Variants in INSYN2B observed in about 807,000 individuals in gnomAD.
INSYN2B encodes protein INSYN2B.
A neutral mutation model predicts 41.2 loss-of-function variants in INSYN2B; 16 were observed. The observed-to-expected ratio is 0.39, with a 90% CI of 0.26 to 0.59. The LOEUF is 0.59. INSYN2B is among the 20% of genes least tolerant of loss of function. The pLI is 0.57. For synonymous variants in INSYN2B, 245 were observed against 244.4 expected (o/e 1.00, Z -0.02); for missense variants, 608 against 646.4 (o/e 0.94, Z 0.64).
At position 169,940,279 on chromosome 5, in the gene INSYN2B, A is replaced by G. The variant is rs1172676729; in HGVS notation, c.-919+39998T>C. 2.6e-5 allele frequency among the ~76,000 whole-genome samples: 4 copies of G among 152,170 alleles called. No homozygotes were observed. The East Asian group carries it at 5.8e-4, about 22-fold the overall frequency. On this transcript the variant is annotated intron_variant, in intron 1 of 3. Coordinates refer to ENST00000377365, the MANE Select transcript of INSYN2B (RefSeq NM_001129891.3). Reference sequence around the variant, plus strand: ...TGCCAGACTCTGATCACTCTCAACCAGGGGCAATTTTGTCTCTCAGCAGAC... The same window carrying G: ...TGCCAGACTCTGATCACTCTCAACCGGGGGCAATTTTGTCTCTCAGCAGAC...
intron 3 of INSYN2B, among the ~76,000 whole-genome samples, chr5:169,881,048 A>G (rs1772612545): frequency 6.6e-6 from 1 of 152,136 alleles, no homozygotes; most frequent in Non-Finnish European, 1.5e-5. Context: ...TGCTCTAGGA[A>G]AATGCTCTGT....
chr5:169,934,898 A>G (rs1367358757), intron 1 of INSYN2B: 1 of 345,240 alleles, frequency 2.9e-6, no homozygotes, highest in Non-Finnish European at 5.8e-6. Context: ...CTTGATATTT[A>G]TTCTGATTAA....
rs201654163 is a variant in INSYN2B at position 169,864,309 on chromosome 5, G to T, written c.1572C>A (p.Thr524=). The change falls in exon 4 of 4, where the codon ACC becomes ACA. Residue 524 remains threonine, a synonymous_variant. Transcript: ENST00000377365. ...APEKQDLRRK[T]KKVKKKCFWW... ...AGAAGCATTTCTTTTTCACCTTCTT[G>T]GTTTTCCGCCTTAAGTCCTGCTTTT... The T allele has an allele frequency of 1.9e-6, 3 of 1,551,558 alleles. No individual in the cohort carries two copies. Among genetic ancestry groups the T allele is most frequent in the Non-Finnish European group, 2.6e-6 (3 of 1,146,956 alleles).
chr5:169,941,319 T>C (rs965623886), intron 1 of INSYN2B, among the ~76,000 whole-genome samples: 1 of 152,220 alleles, frequency 6.6e-6, no homozygotes, highest in Admixed American at 6.5e-5. Flanking sequence ...GCAATTCTCC[T>C]GTCTCAGCCG....
At chr5:169,971,871 C>A (rs1777519860) in intron 1 of INSYN2B, among the ~76,000 whole-genome samples, 1 of 152,190 alleles carries the variant, frequency 6.6e-6, no homozygotes, top group African/African-American at 2.4e-5. Flanking sequence ...TGTACCCAGG[C>A]ACTTTGTTCA....
intron 1 of INSYN2B, among the ~76,000 whole-genome samples, chr5:169,951,248 G>A (rs1190197286): frequency 6.6e-6 from 1 of 152,214 alleles, no homozygotes; most frequent in Non-Finnish European, 1.5e-5. Flanking sequence ...ACCTTCCCTA[G>A]TGTGGACAGT....
Position 169,883,882 on chromosome 5 carries a change from A to G in INSYN2B, c.17T>C (p.Met6Thr). 1 of 1,506,444 alleles carries G rather than the reference A, an allele frequency of 6.6e-7. No individual in the cohort carries two copies. Among genetic ancestry groups the G allele is most frequent in the Non-Finnish European group, 8.9e-7 (1 of 1,123,486 alleles). The allele number at this position is 1,506,444 out of a possible 1,614,324, so 93.3% of individuals were successfully genotyped here. A position where few individuals can be genotyped will look rare whatever the true frequency, so the allele number is the denominator to read the frequency against. ...CTTTAGAAGCACAGGTCTCACTTTC[A>G]TATTTTGCTGGGCCATTGAGCCTCA... The part of the protein sequence containing the change: MAQQN[M>T]KVRPVLLKRN... The change falls in exon 2 of 4, where the codon ATG (methionine) becomes ACG (threonine). Residue 6 changes from methionine (M) to threonine (T), a missense_variant. Transcript: ENST00000377365.
intron 1 of INSYN2B, among the ~76,000 whole-genome samples, chr5:169,925,892 G>A (rs960069718): frequency 6.6e-6 from 1 of 152,156 alleles, no homozygotes; most frequent in African/African-American, 2.4e-5. Flanking sequence ...TGGCAGCTGG[G>A]CCTGTTTTAG....
chr5:169,878,022 GT>G (rs1176827996), intron 3 of INSYN2B, among the ~76,000 whole-genome samples: 1 of 152,200 alleles, frequency 6.6e-6, no homozygotes, highest in Non-Finnish European at 1.5e-5. Context: ...AAACCAAGCA[GT>G]TTTTTCCTGG....
chr5:169,977,149 C>A (rs1777744986), intron 1 of INSYN2B, among the ~76,000 whole-genome samples: 1 of 152,208 alleles, frequency 6.6e-6, no homozygotes, highest in Non-Finnish European at 1.5e-5. Context: ...TTCCTACCTG[C>A]CAGCAACTGT....
At chr5:169,940,045 T>A (rs898573723) in intron 1 of INSYN2B, among the ~76,000 whole-genome samples, 32 of 152,238 alleles carry the variant, frequency 2.1e-4, no homozygotes, top group African/African-American at 7.5e-4. Flanking sequence ...GGGAGTTTTC[T>A]CACTGTGTCA....
intron 3 of INSYN2B, among the ~76,000 whole-genome samples, chr5:169,868,700 A>G (rs1771750874): frequency 6.6e-6 from 1 of 152,182 alleles, no homozygotes; most frequent in Admixed American, 6.5e-5. Flanking sequence ...TGTGGCTGCA[A>G]TTAGCTATGA....
At chr5:169,923,483 GCACA>G (rs34053722) in intron 1 of INSYN2B, among the ~76,000 whole-genome samples, 1,785 of 148,518 alleles carry the variant, frequency 0.012, 23 homozygotes, top group African/African-American at 0.031. Flanking sequence ...ATGCACGTGG[GCACA>G]CACACACACA....
At chr5:169,940,074 G>T (rs932787400) in intron 1 of INSYN2B, among the ~76,000 whole-genome samples, 1 of 152,204 alleles carries the variant, frequency 6.6e-6, no homozygotes, top group Non-Finnish European at 1.5e-5. Context: ...CCTGGTGACG[G>T]CTGTGGGTGG....
At chr5:169,925,974 C>T (rs1017143440) in intron 1 of INSYN2B, among the ~76,000 whole-genome samples, 1 of 152,138 alleles carries the variant, frequency 6.6e-6, no homozygotes, top group Non-Finnish European at 1.5e-5. Context: ...CTGAGCATAA[C>T]TGTGTGCCCA....
chr5:169,946,126 A>G (rs565471906), intron 1 of INSYN2B, among the ~76,000 whole-genome samples: 4 of 152,332 alleles, frequency 2.6e-5, no homozygotes, highest in African/African-American at 9.6e-5. Flanking sequence ...CACAGCAAAT[A>G]TGAGGAAGGA....
At chr5:169,887,525 A>G (rs975445382) in intron 1 of INSYN2B, among the ~76,000 whole-genome samples, 5 of 152,192 alleles carry the variant, frequency 3.3e-5, no homozygotes, top group African/African-American at 9.6e-5. Context: ...TCACTGAACA[A>G]CCTGGAGAAA....
At chr5:169,941,951 C>A (rs1776261425) in intron 1 of INSYN2B, among the ~76,000 whole-genome samples, 1 of 152,228 alleles carries the variant, frequency 6.6e-6, no homozygotes, top group Admixed American at 6.5e-5. Context: ...AAAAAACACA[C>A]ACCATTCAGA....
At chr5:169,896,665 T>A (rs893440595) in intron 1 of INSYN2B, among the ~76,000 whole-genome samples, 1 of 151,846 alleles carries the variant, frequency 6.6e-6, no homozygotes, top group Non-Finnish European at 1.5e-5. Context: ...GTATCATCAT[T>A]ATTATTATCA....
Sources: gnomAD v4.1 joint callset for allele counts (sites outside exome capture counted in the v4.1 genomes callset) on GRCh38, gnomAD v4.1.1 for gene constraint, MANE v1.5 for transcripts, NCBI Gene and HGNC (gene_info 2026-07-23, HGNC 2026-07-21) for gene names.